TPST2: variants seen among roughly 807,000 people sequenced by gnomAD.
The protein encoded by TPST2 is protein-tyrosine sulfotransferase 2.
Under a neutral mutation model 27.8 loss-of-function variants are expected in TPST2, and 16 were observed. The ratio of observed to expected loss-of-function variants is 0.58; its 90% confidence interval spans 0.39 to 0.88. The LOEUF is 0.88. TPST2 is among the 40% of genes least tolerant of loss of function. TPST2 has a pLI of 0.00. For synonymous variants in TPST2, 229 were observed against 231.7 expected (o/e 0.99, Z 0.10); for missense variants, 464 against 543.1 (o/e 0.85, Z 1.45).
chr22:26,553,855 T>C (rs1339730760), intron 1 of TPST2, among the ~76,000 whole-genome samples: 1 of 152,214 alleles, frequency 6.6e-6, no homozygotes, highest in Non-Finnish European at 1.5e-5. Context: ...ATGTAGGTAG[T>C]TGTTACACTG....
chr22:26,572,572 C>G (rs775545858), intron 1 of TPST2, among the ~76,000 whole-genome samples: 4 of 152,138 alleles, frequency 2.6e-5, no homozygotes, highest in Non-Finnish European at 5.9e-5. Context: ...TTATCTTGGG[C>G]TGCTTATCTC....
intron 1 of TPST2, among the ~76,000 whole-genome samples, chr22:26,584,486 G>A (rs992754137): frequency 6.6e-6 from 1 of 152,142 alleles, no homozygotes; most frequent in Non-Finnish European, 1.5e-5. Flanking sequence ...TATCAAGGAG[G>A]AGTAAGAATG....
intron 1 of TPST2, among the ~76,000 whole-genome samples, chr22:26,546,021 G>C (rs147153696): frequency 6.7e-6 from 1 of 149,516 alleles, no homozygotes; most frequent in Non-Finnish European, 1.5e-5. Flanking sequence ...AGGCTGCAGC[G>C]AGCTGTGATT....
At chr22:26,555,110 G>GGTGGAGCTGAGGGAATTTGCATTTTAAC (rs1224999963) in intron 1 of TPST2, 3 of 525,384 alleles carry the variant, frequency 5.7e-6, no homozygotes, top group Non-Finnish European at 1.2e-5. Flanking sequence ...GAAGAGGCAA[G>GGTGGAGCTGAGGGAATTTGCATTTTAAC]GTGGAGCTGA....
At chr22:26,562,204 C>T (rs1927137513) in intron 1 of TPST2, among the ~76,000 whole-genome samples, 4 of 152,242 alleles carry the variant, frequency 2.6e-5, no homozygotes, top group South Asian at 4.1e-4. Context: ...TCCTCCTTTG[C>T]TGTGTGACCT....
rs908057168 is a variant in TPST2 at position 26,540,908 on chromosome 22, C to T, written c.723G>A (p.Leu241=). Residue 241 remains leucine, a synonymous_variant, in exon 3 of 7, where the codon CTG becomes CTA. Transcript: ENST00000338754. ...TGAGTGAGCGCCTGGGGTGCAGCAC[C>T]AGCTGCTCGTAGTACACAGGCAGGC... ...EKCLPVYYEQ[L]VLHPRRSLKL... is the part of the protein sequence containing the mutation. 66 of 1,614,204 alleles carry T rather than the reference C, an allele frequency of 4.1e-5. No homozygotes were observed. Among genetic ancestry groups the T allele is most frequent in the Non-Finnish European group, 5.4e-5 (64 of 1,180,032 alleles).
chr22:26,573,241 G>C (rs1029118583), intron 1 of TPST2, among the ~76,000 whole-genome samples: 2 of 152,128 alleles, frequency 1.3e-5, no homozygotes, highest in Non-Finnish European at 2.9e-5. Context: ...ATGTTGTCCA[G>C]GCTGGTCTCA....
chr22:26,541,198 T>C lies in TPST2; in HGVS notation c.433A>G (p.Ile145Val), dbSNP rs754025690. ...AAMQAFILEV[I>V]AKHGEPARVL... ...CGGGCCGGCTCTCCGTGCTTGGCAATCACCTCCAGGATGAAGGCCTGCATG... is the reference window on the plus strand; with the variant it reads ...CGGGCCGGCTCTCCGTGCTTGGCAACCACCTCCAGGATGAAGGCCTGCATG... Residue 145 changes from isoleucine (I) to valine (V), a missense_variant, in exon 3 of 7, where the codon ATT becomes GTT. Ile to Val is a conservative substitution (Grantham distance 29). Transcript: ENST00000338754. This position sits in a 1 kb window ranked among gnomAD's most constrained non-coding sequence, Gnocchi z 5.9. The C allele has an allele frequency of 9.4e-6, 15 of 1,588,170 alleles. No homozygotes were observed. The highest frequency in any genetic ancestry group is 1.3e-5 in the Non-Finnish European group (15 of 1,164,968).
rs762194832 is a variant in TPST2 at position 26,541,066 on chromosome 22, C to T, written c.565G>A (p.Val189Met). Residue 189 changes from valine to methionine, a missense_variant, in exon 3 of 7, where the codon GTG (valine) becomes ATG (methionine). By Grantham distance (21) the Val-to-Met change is conservative (BLOSUM62 1). Transcript: ENST00000338754. This position sits in a 1 kb window ranked among gnomAD's most constrained non-coding sequence, Gnocchi z 5.9. ...ACTTTGCGCGTGATCATGGAGTGCA[C>T]GGAGGCCCGGCCGTCCCGCACCATC... ...LLMVRDGRAS[V>M]HSMITRKVTI... The T allele has an allele frequency of 2.3e-5, 37 of 1,612,066 alleles. No homozygotes were observed. Among genetic ancestry groups the T allele is most frequent in the Non-Finnish European group, 3.1e-5 (37 of 1,178,818 alleles).
At chr22:26,555,694 G>C (rs539781411) in intron 1 of TPST2, among the ~76,000 whole-genome samples, 1 of 152,340 alleles carries the variant, frequency 6.6e-6, no homozygotes, top group East Asian at 1.9e-4. Flanking sequence ...GGGTGTGCAG[G>C]AGGCGGTGGG....
At chr22:26,535,171 T>C (rs548949925) in intron 4 of TPST2, among the ~76,000 whole-genome samples, 18 of 152,362 alleles carry the variant, frequency 1.2e-4, no homozygotes, top group African/African-American at 4.1e-4. Context: ...TTGAGCCAAC[T>C]GAAGAGTTAC....
intron 1 of TPST2, among the ~76,000 whole-genome samples, chr22:26,566,540 A>G (rs559399769): frequency 1.1e-4 from 16 of 152,108 alleles, no homozygotes; most frequent in Middle Eastern, 3.4e-3. Context: ...TGACAGAGCA[A>G]GACTCTGTCT....
intron 1 of TPST2, among the ~76,000 whole-genome samples, chr22:26,571,885 T>A (rs1209440724): frequency 6.6e-6 from 1 of 152,116 alleles, no homozygotes; most frequent in African/African-American, 2.4e-5. Flanking sequence ...TTTCTCTCCA[T>A]CACCAGCAGC....
At chr22:26,569,049 G>A (rs1052693108) in intron 1 of TPST2, among the ~76,000 whole-genome samples, 1 of 151,974 alleles carries the variant, frequency 6.6e-6, no homozygotes, top group Non-Finnish European at 1.5e-5. Flanking sequence ...ATTTTCAGTA[G>A]AGACGGGCTT....
chr22:26,564,704 A>G (rs891126352), intron 1 of TPST2, among the ~76,000 whole-genome samples: 1 of 152,094 alleles, frequency 6.6e-6, no homozygotes, highest in Admixed American at 6.6e-5. Flanking sequence ...TATTCAACTT[A>G]CTATAGCCTC....
intron 1 of TPST2, among the ~76,000 whole-genome samples, chr22:26,564,410 A>G (rs570869908): frequency 6.3e-4 from 96 of 152,350 alleles, no homozygotes; most frequent in African/African-American, 2.2e-3. Flanking sequence ...CCAGTCATGC[A>G]GGACGGAGGA....
At chr22:26,534,359 G>C (rs906050595) in intron 4 of TPST2, among the ~76,000 whole-genome samples, 6 of 152,100 alleles carry the variant, frequency 3.9e-5, no homozygotes, top group African/African-American at 1.4e-4. Context: ...ACTAAACCAG[G>C]GATCTAGCAC....
intron 1 of TPST2, among the ~76,000 whole-genome samples, chr22:26,584,169 A>C (rs535309305): frequency 6.6e-6 from 1 of 152,362 alleles, no homozygotes; most frequent in East Asian, 1.9e-4. Flanking sequence ...TTTAACATGT[A>C]CGGAAACTGG....
chr22:26,582,179 C>T (rs1348809093), intron 1 of TPST2, among the ~76,000 whole-genome samples: 6 of 152,192 alleles, frequency 3.9e-5, no homozygotes, highest in Non-Finnish European at 8.8e-5. Context: ...GTAATCCCAG[C>T]ATTTTGGGAG....
Sources: allele counts gnomAD v4.1 joint callset (sites outside exome capture counted in the v4.1 genomes callset), GRCh38; gene constraint gnomAD v4.1.1; non-coding constraint Gnocchi (gnomAD v3.1); transcripts MANE v1.5; gene names NCBI Gene and HGNC (gene_info 2026-07-23, HGNC 2026-07-21).